The following ABLIM1 variants were observed in gnomAD, a reference collection of about 807,000 sequenced individuals.
ABLIM1 encodes actin-binding LIM protein 1.
In ABLIM1, 40 loss-of-function variants were observed where a neutral mutation model predicts 107.0. The ratio of observed to expected loss-of-function variants is 0.37; its 90% CI spans 0.29 to 0.49. The LOEUF is 0.49. ABLIM1 is among the 20% of genes least tolerant of loss of function. The pLI is 0.97. For synonymous variants in ABLIM1, 357 were observed against 357.3 expected, an observed-to-expected ratio of 1.00 and a Z score of 0.01; for missense variants, 857 against 1,008.5, an observed-to-expected ratio of 0.85 and a Z score of 2.04.
chr10:114,698,111 A>G (rs553589029), intron 1 of ABLIM1, among the ~76,000 whole-genome samples: 1 of 152,264 alleles, frequency 6.6e-6, no homozygotes, highest in Admixed American at 6.5e-5. Context: ...AAAGCACAAA[A>G]TTGGACCAAG....
intron 6 of ABLIM1, among the ~76,000 whole-genome samples, chr10:114,521,161 C>T (rs1257182089): frequency 6.6e-6 from 1 of 152,118 alleles, no homozygotes; most frequent in Admixed American, 6.5e-5. Flanking sequence ...TTGGCAAAAG[C>T]CTGTGATGAA....
intron 1 of ABLIM1, among the ~76,000 whole-genome samples, chr10:114,756,417 G>A (rs1172396149): frequency 1.3e-5 from 2 of 151,978 alleles, no homozygotes; most frequent in African/African-American, 4.8e-5. Flanking sequence ...ATGAACAATA[G>A]TATCATTTTG....
intron 2 of ABLIM1, among the ~76,000 whole-genome samples, chr10:114,588,365 T>TG (rs2074418886): frequency 1.5e-5 from 2 of 133,912 alleles, no homozygotes; most frequent in African/African-American, 6.8e-5. Context: ...GAGGCTGTTT[T>TG]GAAAAAAAAG....
chr10:114,632,470 TAA>T, intron 1 of ABLIM1: 1 of 985,426 alleles, frequency 1.0e-6, no homozygotes, highest in Non-Finnish European at 1.2e-6. Flanking sequence ...GCAAACTGGA[TAA>T]ATAAAATTGG....
intron 1 of ABLIM1, chr10:114,767,969 G>C: frequency 5.1e-6 from 2 of 392,992 alleles, no homozygotes; most frequent in South Asian, 1.7e-5. Context: ...AGGCCGGGCT[G>C]GGGCCGGCGC....
chr10:114,769,455 GAA>G (rs67313071), upstream of ABLIM1, among the ~76,000 whole-genome samples: 12 of 48,250 alleles, frequency 2.5e-4, no homozygotes, highest in South Asian at 7.9e-4. Context: ...AAGAAAGAAA[GAA>G]AGAAAGAAAG....
intron 1 of ABLIM1, among the ~76,000 whole-genome samples, chr10:114,761,400 T>TA (rs2082742779): frequency 1.3e-5 from 2 of 152,104 alleles, no homozygotes; most frequent in African/African-American, 4.8e-5. Context: ...GCAGCCCCTA[T>TA]CACCTCTCTG....
At chr10:114,455,158 G>A (rs1468303749) in intron 12 of ABLIM1, among the ~76,000 whole-genome samples, 4 of 132,508 alleles carry the variant, frequency 3.0e-5, no homozygotes, top group African/African-American at 1.1e-4. Flanking sequence ...ACATTTTTAA[G>A]TAACCAGAGT....
In ABLIM1 at chr10:114,704,271, G is replaced by GCTCTCTCTCTCTCTCT. The variant is rs1215619815; in HGVS notation, c.-213+63774_-213+63789dup. Among the ~76,000 whole-genome samples the GCTCTCTCTCTCTCTCT allele has an allele frequency of 3.9e-3, 161 of 40,934 alleles. 9 individuals carry two copies. The highest frequency in any genetic ancestry group is 5.0e-3 in the Non-Finnish European group (94 of 18,812). The allele number at this position is 40,934 out of a possible 152,430, so 26.9% of individuals were successfully genotyped here. Reference sequence around the variant, plus strand: ...CTCTCTGACACTCTATCTCTCTCTCGCTCTCTCTCTCTCTCTCTCTCTCTC... The same window carrying GCTCTCTCTCTCTCTCT: ...CTCTCTGACACTCTATCTCTCTCTCGCTCTCTCTCTCTCTCTCTCTCTCTCTCTCTCTCTCTCTCTC... On this transcript the variant is annotated intron_variant, in intron 1 of 15. Transcript: ENST00000651092.
At chr10:114,713,898 G>A (rs1184230372) in intron 1 of ABLIM1, among the ~76,000 whole-genome samples, 1 of 152,132 alleles carries the variant, frequency 6.6e-6, no homozygotes, top group Non-Finnish European at 1.5e-5. Flanking sequence ...AACGAAGAGG[G>A]AACCAAGTGA....
chr10:114,695,477 T>G (rs1441517283), intron 1 of ABLIM1, among the ~76,000 whole-genome samples: 3 of 152,148 alleles, frequency 2.0e-5, no homozygotes, highest in Admixed American at 2.0e-4. Context: ...AAGGCCTTTT[T>G]GAAATCCATT....
chr10:114,465,538 T>TA, intron 12 of ABLIM1, 160 bp downstream of exon 12: 2 of 747,436 alleles, frequency 2.7e-6, no homozygotes, highest in Non-Finnish European at 2.0e-6. Context: ...CAAGAAAAGA[T>TA]AGAGCATAAA....
At chr10:114,698,041 C>T (rs1043175877) in intron 1 of ABLIM1, among the ~76,000 whole-genome samples, 2 of 151,880 alleles carry the variant, frequency 1.3e-5, no homozygotes, top group Non-Finnish European at 2.9e-5. Flanking sequence ...GTATTAATCC[C>T]CCTATTAGTT....
At chr10:114,721,462 G>A (rs577047814) in intron 1 of ABLIM1, among the ~76,000 whole-genome samples, 1 of 152,212 alleles carries the variant, frequency 6.6e-6, no homozygotes, top group Non-Finnish European at 1.5e-5. Context: ...AGCAGGCCCT[G>A]AGAATAGCTA....
intron 1 of ABLIM1, among the ~76,000 whole-genome samples, chr10:114,603,914 T>C (rs536704576): frequency 2.8e-4 from 42 of 148,966 alleles, no homozygotes; most frequent in African/African-American, 9.7e-4. Flanking sequence ...GATCGCACCA[T>C]TGCACTCCAG....
rs571362591 is a variant in ABLIM1, at chr10:114,710,746, A to T, written c.-213+57315T>A. 2.0e-3 allele frequency among the ~76,000 whole-genome samples: 301 copies of T among 152,296 alleles called. 1 individual carries two copies. The highest frequency in any genetic ancestry group is 3.4e-3 in the Non-Finnish European group (233 of 68,020). ...CAATGAGCCATGATGGTGCCACTGC[A>T]CTCCAGCCTGGGCGACAGAGCCCAC... On this transcript the variant is annotated intron_variant, in intron 1 of 15. Coordinates refer to the ABLIM1 transcript ENST00000651092.
chr10:114,503,653 T>A (rs910421963), intron 6 of ABLIM1, among the ~76,000 whole-genome samples: 1 of 152,130 alleles, frequency 6.6e-6, no homozygotes, highest in Non-Finnish European at 1.5e-5. Context: ...CCAAAGTGGT[T>A]TTTGCTTTGT....
chr10:114,675,722 G>A (rs923144340), intron 1 of ABLIM1, among the ~76,000 whole-genome samples: 1 of 152,196 alleles, frequency 6.6e-6, no homozygotes. Context: ...AAGTATCGTA[G>A]ACTGGGTGGC....
chr10:114,730,347 G>A (rs565143486), intron 1 of ABLIM1, among the ~76,000 whole-genome samples: 10 of 145,816 alleles, frequency 6.9e-5, no homozygotes, highest in Non-Finnish European at 1.2e-4. Context: ...GCAGTGAGCC[G>A]AGATCGTGCC....
Sources: gnomAD v4.1 joint callset for allele counts (sites outside exome capture counted in the v4.1 genomes callset) on GRCh38, gnomAD v4.1.1 for gene constraint, MANE v1.5 for transcripts, NCBI Gene and HGNC (gene_info 2026-07-23, HGNC 2026-07-21) for gene names.